Variants in LUC7L2 observed in about 807,000 individuals in gnomAD.
LUC7L2 encodes putative RNA-binding protein Luc7-like 2.
A neutral mutation model predicts 52.8 loss-of-function variants in LUC7L2; 25 were observed. The ratio of observed to expected loss-of-function variants is 0.47; its 90% CI spans 0.34 to 0.66. The LOEUF (loss-of-function observed/expected upper bound fraction) is 0.66, where lower values mean the gene tolerates loss of function less well. LUC7L2 is among the 30% of genes least tolerant of loss of function. The pLI is 0.01. For missense variants in LUC7L2, 328 were observed against 497.8 expected (o/e 0.66, Z 3.25); for synonymous variants, 144 against 160.9 (o/e 0.89, Z 0.80).
chr7:139,359,609 G>A, upstream of LUC7L2: 1 of 394,764 alleles, frequency 2.5e-6, no homozygotes, highest in East Asian at 3.6e-5. Flanking sequence ...GCTAATTTGG[G>A]TCTGAATCGC....
At chr7:139,391,207 A>G (rs150227114) in intron 2 of LUC7L2, among the ~76,000 whole-genome samples, 126 of 152,292 alleles carry the variant, frequency 8.3e-4, no homozygotes, top group African/African-American at 2.8e-3. Context: ...AAATCCTTGT[A>G]TGTACATCTT....
At chr7:139,397,847 GTATT>G (rs1339817960) in intron 2 of LUC7L2, among the ~76,000 whole-genome samples, 4 of 152,158 alleles carry the variant, frequency 2.6e-5, no homozygotes, top group Non-Finnish European at 5.9e-5. Context: ...TTCAGTAAGA[GTATT>G]TATTTCCCTG....
intron 1 of LUC7L2, among the ~76,000 whole-genome samples, chr7:139,364,748 C>CA (rs971917131): frequency 9.8e-5 from 15 of 152,286 alleles, no homozygotes; most frequent in Non-Finnish European, 1.5e-5. Context: ...ATTACTGAAT[C>CA]AAAGTTTGAA....
At chr7:139,357,695 ATT>A (rs11383117), upstream of LUC7L2, among the ~76,000 whole-genome samples, 9 of 143,868 alleles carry the variant, frequency 6.3e-5, no homozygotes, top group Admixed American at 7.0e-5. Context: ...ATTCAAAATA[ATT>A]TTTTTTTTTT....
chr7:139,380,592 A>C (rs1441358479), intron 2 of LUC7L2, among the ~76,000 whole-genome samples: 1 of 152,134 alleles, frequency 6.6e-6, no homozygotes, highest in Non-Finnish European at 1.5e-5. Flanking sequence ...AGAGCGAGAC[A>C]CCGTTTAAAA....
chr7:139,406,367 T>A (rs1278518467), intron 5 of LUC7L2, among the ~76,000 whole-genome samples: 1 of 150,726 alleles, frequency 6.6e-6, no homozygotes, highest in Non-Finnish European at 1.5e-5. Flanking sequence ...TTTTTTTTTT[T>A]TTTAAGACAG....
chr7:139,380,561 C>G (rs1800960723), intron 2 of LUC7L2, among the ~76,000 whole-genome samples: 1 of 152,164 alleles, frequency 6.6e-6, no homozygotes, highest in Admixed American at 6.5e-5. Context: ...GATTGTGCCA[C>G]TGCACTCCAG....
At chr7:139,375,306 G>A in intron 1 of LUC7L2, 1 of 985,336 alleles carries the variant, frequency 1.0e-6, no homozygotes, top group Non-Finnish European at 1.2e-6. Context: ...GTTATATGAA[G>A]ACAGAATGAA....
At position 139,385,311 on chromosome 7, in the gene LUC7L2, C is replaced by CTTTTTT. The variant is rs58744665; in HGVS notation, c.156+9176_156+9181dup. ...GTCTTGAATCTATCAGTTAGGATTA[C>CTTTTTT]TTTTTTTTTTTTTTTTTTTTTTTTT... On this transcript the variant is annotated intron_variant, in intron 2 of 9. Transcript: ENST00000354926. Among the ~76,000 whole-genome samples the CTTTTTT allele has an allele frequency of 7.6e-5, 9 of 118,594 alleles. No homozygotes were observed. In the East Asian group the frequency reaches 1.9e-3, roughly 25 times the overall value. The allele number at this position is 118,594 out of a possible 152,430, so 77.8% of individuals were successfully genotyped here.
chr7:139,421,431 T>A (rs1273785336), intron 9 of LUC7L2, among the ~76,000 whole-genome samples: 5 of 152,214 alleles, frequency 3.3e-5, no homozygotes, highest in African/African-American at 4.8e-5. Flanking sequence ...TCCGATTGAT[T>A]TATTATTTAC....
chr7:139,349,105 G>C (rs1304072361), intron 1 of LUC7L2, among the ~76,000 whole-genome samples: 1 of 152,208 alleles, frequency 6.6e-6, no homozygotes, highest in African/African-American at 2.4e-5. Flanking sequence ...AGTGAGCTGA[G>C]ATGGCGCCAC....
rs1488865109 is a variant in LUC7L2, at chr7:139,367,988, C to G, written c.61+7666C>G. On this transcript the variant is annotated intron_variant, in intron 1 of 9. Coordinates refer to ENST00000354926, the MANE Select transcript of LUC7L2 (RefSeq NM_016019.5). The stretch of plus-strand genomic sequence containing the variant: ...TGCATTATGGACGGGAGCAGAGCGG[C>G]AGGGCATGTTGCTAGGACTAAGCAG... Among the ~76,000 whole-genome samples the G allele has an allele frequency of 3.9e-5, 6 of 152,148 alleles. No individual in the cohort carries two copies. In the East Asian group the frequency reaches 9.6e-4, roughly 24 times the overall value.
At chr7:139,346,814 C>T (rs769790886) in intron 1 of LUC7L2, among the ~76,000 whole-genome samples, 4 of 152,166 alleles carry the variant, frequency 2.6e-5, no homozygotes, top group Non-Finnish European at 5.9e-5. Context: ...CTTGAACTCC[C>T]TATCTGGGCA....
intron 2 of LUC7L2, among the ~76,000 whole-genome samples, chr7:139,379,549 C>CTTTTTTTTTTTTTTTTTTTTT (rs539771697): frequency 1.9e-5 from 1 of 52,684 alleles, no homozygotes; most frequent in African/African-American, 8.8e-5. Flanking sequence ...ATAACTAATG[C>CTTTTTTTTTTTTTTTTTTTTT]TTTTTTTTTT....
At chr7:139,408,841 CAAAA>C (rs564827916) in intron 6 of LUC7L2, among the ~76,000 whole-genome samples, 1 of 86,964 alleles carries the variant, frequency 1.1e-5, no homozygotes, top group African/African-American at 4.2e-5. Flanking sequence ...GACTCTGTCT[CAAAA>C]AAAAAAAAAA....
intron 1 of LUC7L2, among the ~76,000 whole-genome samples, chr7:139,351,847 A>C (rs1799467465): frequency 6.6e-6 from 1 of 152,170 alleles, no homozygotes; most frequent in South Asian, 2.1e-4. Context: ...TTCTTCAACA[A>C]GGATGTATGA....
At position 139,417,816 on chromosome 7, in the gene LUC7L2, C is replaced by T. The variant is rs1266715332; in HGVS notation, c.1001+87C>T. The T allele has an allele frequency of 2.0e-6, 3 of 1,481,444 alleles. No individual in the cohort carries two copies. In the African/African-American group the frequency reaches 4.2e-5, roughly 21 times the overall value. 91.8% of individuals were successfully genotyped at this position (1,481,444 alleles called of 1,614,324 possible). ...ACTTATGTTACTTATGTTTAGAGTTCAGATTATTGGTTTGAAACTTTTGCA... is the reference window on the plus strand; with the variant it reads ...ACTTATGTTACTTATGTTTAGAGTTTAGATTATTGGTTTGAAACTTTTGCA... On this transcript the variant is annotated intron_variant, in intron 9 of 9. Transcript: ENST00000354926.
intron 8 of LUC7L2, among the ~76,000 whole-genome samples, chr7:139,415,218 C>CTT (rs111851151): frequency 1.4e-5 from 2 of 144,604 alleles, no homozygotes; most frequent in African/African-American, 5.0e-5. Flanking sequence ...AGCAATAGAT[C>CTT]TTTTTTTTTT....
intron 1 of LUC7L2, among the ~76,000 whole-genome samples, chr7:139,351,143 T>C (rs1799447238): frequency 6.6e-6 from 1 of 152,204 alleles, no homozygotes; most frequent in African/African-American, 2.4e-5. Context: ...ATTCTCAAAA[T>C]GCTTGATAAC....
Sources: allele counts gnomAD v4.1 joint callset (sites outside exome capture counted in the v4.1 genomes callset), GRCh38; gene constraint gnomAD v4.1.1; transcripts MANE v1.5; gene names NCBI Gene and HGNC (gene_info 2026-07-23, HGNC 2026-07-21).